Variants in ARVCF observed in about 807,000 individuals in gnomAD.
ARVCF encodes the protein ARVCF delta catenin family member.
Under a neutral mutation model 90.9 loss-of-function variants are expected in ARVCF, and 66 were observed. That is an observed-to-expected ratio of 0.73 (90% CI 0.60 to 0.89). The LOEUF (loss-of-function observed/expected upper bound fraction) is 0.89, where lower values mean the gene tolerates loss of function less well. Ranked by LOEUF, ARVCF falls within the 40% of genes least tolerant of loss-of-function variation. The pLI, the probability that ARVCF is intolerant of heterozygous loss-of-function variation, is 0.00. For missense variants in ARVCF, 1,469 were observed against 1,382.3 expected (o/e 1.06, Z -1.00); for synonymous variants, 653 against 603.4 (o/e 1.08, Z -1.21).
chr22:20,009,342 G>C (rs567646524), intron 2 of ARVCF, among the ~76,000 whole-genome samples: 1 of 152,184 alleles, frequency 6.6e-6, no homozygotes, highest in African/African-American at 2.4e-5. Flanking sequence ...AAGGACTTGG[G>C]AACAGGCAAG....
At chr22:19,988,807 C>T (rs1943915699) in intron 3 of ARVCF, among the ~76,000 whole-genome samples, 1 of 151,702 alleles carries the variant, frequency 6.6e-6, no homozygotes, top group South Asian at 2.1e-4. Context: ...AGCTGCAGCC[C>T]TGGCAACACA....
chr22:19,970,044 C>G lies in ARVCF; in HGVS notation c.*712G>C, dbSNP rs1030634531. 1.0e-6 allele frequency: 1 copy of G among 985,498 alleles called. No individual in the cohort carries two copies. The highest frequency in any genetic ancestry group is 1.7e-5 in the African/African-American group (1 of 57,240). The allele number at this position is 985,498 out of a possible 1,614,324, so 61.0% of individuals were successfully genotyped here. On this transcript the variant is annotated 3_prime_UTR_variant, in exon 20 of 20. Coordinates refer to ENST00000263207, the MANE Select transcript of ARVCF (RefSeq NM_001670.3). ...GCAGGCACTGAAAGCAGTCCCCCAG[C>G]CACTGCCGAAGGTCAGTCCCGGAGG...
chr22:19,967,049 T>C, downstream of ARVCF: 3 of 1,210,904 alleles, frequency 2.5e-6, no homozygotes, highest in Non-Finnish European at 3.2e-6. Context: ...GGACAGGTGC[T>C]GCCTTCTTTC....
downstream of ARVCF, chr22:19,968,623 G>A (rs752185888): frequency 1.2e-5 from 20 of 1,614,080 alleles, no homozygotes; most frequent in South Asian, 5.5e-5. Context: ...ACACGTGCGC[G>A]GGAGCAGCTG....
At chr22:19,975,834 C>G in intron 10 of ARVCF, 77 bp from the exon 11 acceptor site, 2 of 1,504,140 alleles carry the variant, frequency 1.3e-6, no homozygotes, top group Non-Finnish European at 1.8e-6. Context: ...GGGCACAGTT[C>G]TCTCCTACCC....
At chr22:19,984,831 T>C (rs1261021476) in intron 3 of ARVCF, among the ~76,000 whole-genome samples, 1 of 152,212 alleles carries the variant, frequency 6.6e-6, no homozygotes, top group Non-Finnish European at 1.5e-5. Flanking sequence ...CTGCCAATCA[T>C]CTGCCCAGCA....
intron 2 of ARVCF, among the ~76,000 whole-genome samples, chr22:19,997,964 C>G (rs1344371735): frequency 1.3e-5 from 2 of 152,216 alleles, no homozygotes; most frequent in Admixed American, 6.5e-5. Flanking sequence ...GTAAAAGGCC[C>G]AGACATGGAG....
intron 2 of ARVCF, among the ~76,000 whole-genome samples, chr22:20,003,422 GCCAATAAC>G (rs1286800751): frequency 6.6e-6 from 1 of 152,030 alleles, no homozygotes; most frequent in Non-Finnish European, 1.5e-5. Flanking sequence ...AAAACCACAG[GCCAATAAC>G]CCTTATGAAT....
intron 2 of ARVCF, among the ~76,000 whole-genome samples, chr22:20,000,969 A>G (rs1006325021): frequency 6.6e-6 from 1 of 152,154 alleles, no homozygotes; most frequent in Non-Finnish European, 1.5e-5. Flanking sequence ...TAAGACACAC[A>G]CAGACACACA....
chr22:19,970,854 A>G (rs937185714), intron 19 of ARVCF, 111 bp from the exon 20 acceptor site: 12 of 1,244,734 alleles, frequency 9.6e-6, no homozygotes, highest in Admixed American at 9.5e-5. Flanking sequence ...GGAGATGTGG[A>G]TAGAAGCATC....
chr22:19,975,741 C>T lies in ARVCF; in HGVS notation c.1905G>A (p.Glu635=), dbSNP rs1305764580. The change falls in exon 11 of 20, where the codon GAG becomes GAA. Residue 635 remains glutamate (E), a synonymous_variant. Transcript: ENST00000263207. ...CTAGCGTGTCAAAGTTCCGGTCCAT[C>T]TCACCATCCTTCTTTCCTGGAAGGG... is the stretch of plus-strand genomic sequence containing the variant. ...EWFHQGKKDG[E]MDRNFDTLDL... is the part of the protein sequence containing the mutation. The T allele has an allele frequency of 1.2e-6, 2 of 1,613,666 alleles. No individual in the cohort carries two copies. The highest frequency in any genetic ancestry group is 1.7e-6 in the Non-Finnish European group (2 of 1,179,984).
At chr22:19,973,814 T>G (rs774555855) in intron 12 of ARVCF, 21 bp from the exon 13 acceptor site, 2 of 1,593,910 alleles carry the variant, frequency 1.3e-6, no homozygotes, top group East Asian at 4.5e-5. Flanking sequence ...GGGGAGAGGG[T>G]TGCTCAGACA....
At chr22:20,000,856 G>A (rs914502114) in intron 2 of ARVCF, among the ~76,000 whole-genome samples, 8 of 152,118 alleles carry the variant, frequency 5.3e-5, no homozygotes, top group Admixed American at 2.0e-4. Flanking sequence ...ATCTGCTGGC[G>A]CCTCGATCTT....
At chr22:19,965,937 C>T (rs1434690598), downstream of ARVCF, among the ~76,000 whole-genome samples, 2 of 152,212 alleles carry the variant, frequency 1.3e-5, no homozygotes, top group Admixed American at 1.3e-4. Context: ...GGCACTCAGC[C>T]AGATGGGCTT....
chr22:19,985,232 C>T (rs557414021), intron 3 of ARVCF, among the ~76,000 whole-genome samples: 2 of 152,306 alleles, frequency 1.3e-5, no homozygotes, highest in East Asian at 1.9e-4. Flanking sequence ...CAGCTGGGGC[C>T]CCATCCTTGC....
At chr22:19,977,666 G>A (rs906773537) in intron 8 of ARVCF, 80 bp from the exon 9 acceptor site, 9 of 1,468,536 alleles carry the variant, frequency 6.1e-6, no homozygotes, top group Admixed American at 5.0e-5. Context: ...CACAGCTGGT[G>A]TGCATGAGGG....
intron 7 of ARVCF, among the ~76,000 whole-genome samples, chr22:19,978,464 G>A (rs1383739628): frequency 1.3e-5 from 2 of 152,222 alleles, no homozygotes; most frequent in Non-Finnish European, 2.9e-5. Flanking sequence ...AGCCTGCAGG[G>A]CTGCGCGGGA....
In ARVCF at chr22:19,980,098, A is replaced by G; in HGVS notation, c.1041T>C (p.Asp347=). The G allele has an allele frequency of 6.3e-7, 1 of 1,586,828 alleles. No homozygotes were observed. Among genetic ancestry groups the G allele is most frequent in the Non-Finnish European group, 8.6e-7 (1 of 1,169,034 alleles). ...DRLVRRSPSV[D]SARKEPRWRD... ...GCCAGCGCGGCTCCTTGCGGGCGCT[A>G]TCCACTGAGGGCGAGCGCCGCACCA... Residue 347 remains aspartate, a synonymous_variant, in exon 6 of 20, where the codon GAT becomes GAC. Transcript: ENST00000263207.
rs751527669 is a variant in ARVCF, at chr22:19,981,468, T to C, written c.639A>G (p.Pro213=). The C allele has an allele frequency of 6.5e-6, 10 of 1,546,270 alleles. No individual in the cohort carries two copies. The South Asian group carries it at 9.5e-5, about 15-fold the overall frequency. ...SLSRGLGMRP[P]RAGPLGPGPG... is the part of the protein sequence containing the mutation. ...GGCCTGGGCCAAGGGGGCCAGCACG[T>C]GGGGGCCGCATGCCCAGCCCTCGGG... Residue 213 remains proline, a synonymous_variant, in exon 5 of 20, where the codon CCA becomes CCG. Coordinates refer to ENST00000263207, the MANE Select transcript of ARVCF (RefSeq NM_001670.3).
Sources: gnomAD v4.1 joint callset for allele counts (sites outside exome capture counted in the v4.1 genomes callset) on GRCh38, gnomAD v4.1.1 for gene constraint, MANE v1.5 for transcripts, NCBI Gene and HGNC (gene_info 2026-07-23, HGNC 2026-07-21) for gene names.